Variants in SPMIP7 observed in about 807,000 individuals in gnomAD.
SPMIP7 encodes protein SPMIP7.
chr7:50,122,260 C>T, the SPMIP7 span, among the ~76,000 whole-genome samples: 8 of 151,616 alleles, frequency 5.3e-5, no homozygotes, highest in African/African-American at 1.2e-4. Context: ...GAAATAACGC[C>T]GCATATCTAC....
the SPMIP7 span, among the ~76,000 whole-genome samples, chr7:50,133,333 G>A: frequency 1.3e-5 from 2 of 152,148 alleles, no homozygotes; most frequent in Non-Finnish European, 2.9e-5. Context: ...GGCTGCATTA[G>A]TGTGGAATAG....
At chr7:50,122,165 A>T in the SPMIP7 span, among the ~76,000 whole-genome samples, 2 of 152,236 alleles carry the variant, frequency 1.3e-5, no homozygotes, top group Non-Finnish European at 2.9e-5. Flanking sequence ...TTTAAATAAA[A>T]GTATAACATT....
At chr7:50,148,039 A>G in the SPMIP7 span, among the ~76,000 whole-genome samples, 1 of 152,186 alleles carries the variant, frequency 6.6e-6, no homozygotes, top group Admixed American at 6.5e-5. Flanking sequence ...CTGAAAAATA[A>G]TATCTCCTAT....
the SPMIP7 span, among the ~76,000 whole-genome samples, chr7:50,112,033 T>C: frequency 6.6e-6 from 1 of 152,264 alleles, no homozygotes; most frequent in Admixed American, 6.5e-5. Flanking sequence ...TATAAAGGTC[T>C]GCCTTCATAC....
chr7:50,135,892 G>C, the SPMIP7 span, among the ~76,000 whole-genome samples: 2 of 152,188 alleles, frequency 1.3e-5, no homozygotes, highest in African/African-American at 4.8e-5. Flanking sequence ...AAAACAAATG[G>C]AAATTGGAAG....
At chr7:50,134,405 C>T in the SPMIP7 span, among the ~76,000 whole-genome samples, 9 of 152,130 alleles carry the variant, frequency 5.9e-5, no homozygotes, top group African/African-American at 1.4e-4. Flanking sequence ...CACACACACA[C>T]GTATGGAGTT....
At chr7:50,149,155 A>AC in the SPMIP7 span, among the ~76,000 whole-genome samples, 1 of 151,764 alleles carries the variant, frequency 6.6e-6, no homozygotes, top group African/African-American at 2.4e-5. Context: ...AAAAAAAAAA[A>AC]AATGTGGGAG....
the SPMIP7 span, among the ~76,000 whole-genome samples, chr7:50,118,053 A>T: frequency 6.6e-6 from 1 of 152,198 alleles, no homozygotes; most frequent in Non-Finnish European, 1.5e-5. Context: ...CTAGTGCTGA[A>T]ACTGTTAGGA....
chr7:50,146,774 C>A, the SPMIP7 span, among the ~76,000 whole-genome samples: 5 of 152,216 alleles, frequency 3.3e-5, no homozygotes, highest in African/African-American at 4.8e-5. Context: ...ATTTACTACT[C>A]TTCCTCCGTC....
chr7:50,120,445 A>G, the SPMIP7 span: 3 of 152,242 alleles, frequency 2.0e-5, no homozygotes, highest in African/African-American at 4.8e-5. Context: ...ACTTAATGGA[A>G]CACTGTACGG....
chr7:50,146,481 C>T, the SPMIP7 span, among the ~76,000 whole-genome samples: 1 of 152,190 alleles, frequency 6.6e-6, no homozygotes, highest in African/African-American at 2.4e-5. Flanking sequence ...AAAGAATATA[C>T]CCACCAGATG....
chr7:50,148,289 T>C, the SPMIP7 span, among the ~76,000 whole-genome samples: 1 of 152,240 alleles, frequency 6.6e-6, no homozygotes, highest in African/African-American at 2.4e-5. Context: ...GAAATGTTAT[T>C]ATTAAATATG....
the SPMIP7 span, among the ~76,000 whole-genome samples, chr7:50,115,970 A>G: frequency 1.3e-5 from 2 of 152,158 alleles, no homozygotes; most frequent in Non-Finnish European, 1.5e-5. Context: ...TCACCTAAGC[A>G]CTGAAGTTCT....
the SPMIP7 span, among the ~76,000 whole-genome samples, chr7:50,100,214 A>G: frequency 6.6e-6 from 1 of 152,214 alleles, no homozygotes; most frequent in African/African-American, 2.4e-5. Context: ...ATGGGAACCA[A>G]CTGAGGGGAG....
the SPMIP7 span, among the ~76,000 whole-genome samples, chr7:50,118,452 T>G: frequency 2.6e-5 from 4 of 152,208 alleles, no homozygotes; most frequent in African/African-American, 7.2e-5. Flanking sequence ...AAACTTCAGG[T>G]GGTGTATTTT....
chr7:50,157,048 G>T, the SPMIP7 span, among the ~76,000 whole-genome samples: 8 of 152,208 alleles, frequency 5.3e-5, no homozygotes, highest in East Asian at 1.5e-3. Flanking sequence ...ACTGGAAGGG[G>T]GACAAGAGAG....
At chr7:50,131,111 TGG>T in the SPMIP7 span, among the ~76,000 whole-genome samples, 1 of 152,104 alleles carries the variant, frequency 6.6e-6, no homozygotes, top group Non-Finnish European at 1.5e-5. Context: ...GGAGAGAAGA[TGG>T]AACACCAGTT....
the SPMIP7 span, among the ~76,000 whole-genome samples, chr7:50,117,819 A>G: frequency 6.6e-6 from 1 of 152,182 alleles, no homozygotes; most frequent in Non-Finnish European, 1.5e-5. Context: ...ATGTCAGTAA[A>G]TATTTATACA....
At chr7:50,125,287 C>CAT in the SPMIP7 span, among the ~76,000 whole-genome samples, 3 of 91,772 alleles carry the variant, frequency 3.3e-5, no homozygotes, top group Non-Finnish European at 7.6e-5. Flanking sequence ...CATATATACA[C>CAT]ATATATATAC....
Sources: allele counts gnomAD v4.1 joint callset (sites outside exome capture counted in the v4.1 genomes callset), GRCh38; gene constraint gnomAD v4.1.1; transcripts MANE v1.5; gene names NCBI Gene and HGNC (gene_info 2026-07-23, HGNC 2026-07-21).